TMED3: variants seen among roughly 807,000 people sequenced by gnomAD.
The protein encoded by TMED3 is transmembrane p24 trafficking protein 3, also known as transmembrane emp24 domain-containing protein 3.
TMED3 carries 9 observed loss-of-function variants against 15.0 expected under a neutral mutation model. That is an observed-to-expected ratio of 0.60 (90% CI 0.36 to 1.04). TMED3 has a LOEUF of 1.04. TMED3 is among the 50% of genes least tolerant of loss of function. The pLI, the probability that TMED3 is intolerant of heterozygous loss-of-function variation, is 0.01. For synonymous variants in TMED3, 117 were observed against 121.4 expected (o/e 0.96, Z 0.24); for missense variants, 267 against 278.9 (o/e 0.96, Z 0.30).
rs934973198 is a variant in TMED3, at chr15:79,377,926, G to A, written c.418-33474G>A. Among the ~76,000 whole-genome samples the A allele has an allele frequency of 9.8e-5, 15 of 152,334 alleles. No homozygotes were observed. The South Asian group carries it at 1.2e-3, about 13-fold the overall frequency. Reference sequence around the variant, plus strand: ...CTCCCAAAGTGCTGGGATTACAGGCGTGAGCCACCGCGCCCGGCTGAACAA... The same window carrying A: ...CTCCCAAAGTGCTGGGATTACAGGCATGAGCCACCGCGCCCGGCTGAACAA... On this transcript the variant is annotated intron_variant, in intron 2 of 2. Transcript: ENST00000424155.
chr15:79,330,815 G>A (rs761217332), intron 2 of TMED3, among the ~76,000 whole-genome samples: 12 of 152,060 alleles, frequency 7.9e-5, no homozygotes, highest in Non-Finnish European at 1.8e-4. Context: ...AAACAGCATG[G>A]TACTGGCATA....
chr15:79,311,174 G>T lies in TMED3; in HGVS notation c.-76G>T. ...ATCCCCTTACATCCTCCTAGGACCC[G>T]GTCGGTAGTCGTCGCCCCAGCCCGC... On this transcript the variant is annotated 5_prime_UTR_variant, in exon 1 of 3. Transcript: ENST00000299705. 1.3e-6 allele frequency: 2 copies of T among 1,482,990 alleles called. No individual in the cohort carries two copies. The highest frequency in any genetic ancestry group is 1.8e-6 in the Non-Finnish European group (2 of 1,114,206). The allele number at this position is 1,482,990 out of a possible 1,614,324, so 91.9% of individuals were successfully genotyped here. A position where few individuals can be genotyped will look rare whatever the true frequency, so the allele number is the denominator to read the frequency against.
chr15:79,311,280 G>A lies in TMED3; in HGVS notation c.31G>A (p.Val11Met). 1.2e-6 allele frequency: 2 copies of A among 1,606,022 alleles called. No homozygotes were observed. Among genetic ancestry groups the A allele is most frequent in the Non-Finnish European group, 1.7e-6 (2 of 1,177,530 alleles). MGSTVPRSASVLLLLLLLRRA... is the reference protein window; with the variant it reads MGSTVPRSASMLLLLLLLRRA... ...CAGCACTGTCCCGCGCTCCGCCTCC[G>A]TGCTGCTTCTGCTGCTGCTCCTGCG... is the stretch of plus-strand genomic sequence containing the variant. Residue 11 changes from valine (V) to methionine (M), a missense_variant, in exon 1 of 3, where the codon GTG (valine) becomes ATG (methionine). This residue lies in a region of TMED3 where 59 missense variants were observed against 47.0 expected (regional missense o/e 1.26). Coordinates refer to ENST00000299705, the MANE Select transcript of TMED3 (RefSeq NM_007364.4).
At chr15:79,338,530 C>T (rs1047600574) in intron 2 of TMED3, among the ~76,000 whole-genome samples, 9 of 152,120 alleles carry the variant, frequency 5.9e-5, no homozygotes, top group South Asian at 2.1e-4. Context: ...ACCGAGGACA[C>T]GAGCTGTTCC....
chr15:79,341,732 G>C (rs189167830), intron 2 of TMED3, among the ~76,000 whole-genome samples: 39 of 152,362 alleles, frequency 2.6e-4, no homozygotes, highest in Admixed American at 7.2e-4. Context: ...ACTTCTTGCA[G>C]AGATGAGGGA....
Position 79,371,364 on chromosome 15 carries a change from G to A in TMED3, c.418-40036G>A, listed in dbSNP as rs114121859. Among the ~76,000 whole-genome samples, 785 of 152,202 alleles carry A rather than the reference G, an allele frequency of 5.2e-3. 9 individuals carry two copies. Among genetic ancestry groups the A allele is most frequent in the African/African-American group, 0.018 (762 of 41,518 alleles). On this transcript the variant is annotated intron_variant, in intron 2 of 2. Transcript: ENST00000424155. Reference sequence around the variant, plus strand: ...GTGACTTTTTGAGTGACAGTGAGACGTGATAGAACTGCAGCTTCCTGGGCC... The same window carrying A: ...GTGACTTTTTGAGTGACAGTGAGACATGATAGAACTGCAGCTTCCTGGGCC...
chr15:79,391,756 G>A (rs540638573), intron 2 of TMED3, among the ~76,000 whole-genome samples: 3 of 152,078 alleles, frequency 2.0e-5, no homozygotes, highest in South Asian at 2.1e-4. Context: ...TATAAATTTC[G>A]GAGCGCCAGT....
chr15:79,379,362 G>C (rs758376949), intron 2 of TMED3, among the ~76,000 whole-genome samples: 11 of 152,114 alleles, frequency 7.2e-5, no homozygotes, highest in Admixed American at 7.2e-4. Flanking sequence ...CCAATTTCTT[G>C]TTGGCAAAGT....
intron 2 of TMED3, among the ~76,000 whole-genome samples, chr15:79,367,230 T>A (rs1893253732): frequency 6.6e-6 from 1 of 152,100 alleles, no homozygotes; most frequent in African/African-American, 2.4e-5. Flanking sequence ...GGTCAGCAGG[T>A]TACTGGATAC....
intron 2 of TMED3, among the ~76,000 whole-genome samples, chr15:79,335,282 G>C (rs775544989): frequency 2.2e-5 from 3 of 139,186 alleles, no homozygotes; most frequent in East Asian, 2.2e-4. Context: ...TGATATTCCT[G>C]GGCTTCTGGG....
Position 79,320,894 on chromosome 15 carries a change from T to C in TMED3, c.418-1084T>C, listed in dbSNP as rs77047743. ...GCAGGTTGGGCTCCTACCTGGAAGC[T>C]CTGGGGAAGGATCTGCTTTCATGCT... is the stretch of plus-strand genomic sequence containing the variant. On this transcript the variant is annotated intron_variant, in intron 2 of 2. Transcript: ENST00000299705. Among the ~76,000 whole-genome samples, 253 of 152,284 alleles carry C rather than the reference T, an allele frequency of 1.7e-3. 1 individual carries two copies. The highest frequency in any genetic ancestry group is 5.7e-3 in the African/African-American group (238 of 41,546).
At chr15:79,350,054 T>C (rs899366823) in intron 2 of TMED3, among the ~76,000 whole-genome samples, 2 of 152,162 alleles carry the variant, frequency 1.3e-5, no homozygotes, top group Admixed American at 6.5e-5. Context: ...AGCTTGGCTA[T>C]TGTGTTTGTG....
chr15:79,329,173 A>T (rs1402983244), intron 2 of TMED3, among the ~76,000 whole-genome samples: 1 of 152,210 alleles, frequency 6.6e-6, no homozygotes, highest in Non-Finnish European at 1.5e-5. Context: ...TTCTCTGTCC[A>T]GGGGTTCCCT....
intron 2 of TMED3, among the ~76,000 whole-genome samples, chr15:79,363,188 A>G (rs1893163715): frequency 6.6e-6 from 1 of 152,230 alleles, no homozygotes; most frequent in South Asian, 2.1e-4. Context: ...TCATATATGA[A>G]CACAAATTCC....
At chr15:79,333,883 G>T (rs904599827) in intron 2 of TMED3, among the ~76,000 whole-genome samples, 2 of 152,038 alleles carry the variant, frequency 1.3e-5, no homozygotes, top group African/African-American at 4.8e-5. Context: ...CTTCAAACAT[G>T]GTTTGAATCA....
intron 2 of TMED3, among the ~76,000 whole-genome samples, chr15:79,365,729 TAGG>T (rs1893218844): frequency 6.6e-6 from 1 of 152,234 alleles, no homozygotes; most frequent in South Asian, 2.1e-4. Flanking sequence ...GCTCTCTGCT[TAGG>T]AGCAAAAGAA....
intron 2 of TMED3, among the ~76,000 whole-genome samples, chr15:79,358,383 A>G (rs1012322462): frequency 6.6e-6 from 1 of 152,186 alleles, no homozygotes; most frequent in Admixed American, 6.5e-5. Context: ...TCAGACAACA[A>G]CCCTACTGTG....
At chr15:79,334,456 G>A (rs866962567) in intron 2 of TMED3, among the ~76,000 whole-genome samples, 66 of 152,280 alleles carry the variant, frequency 4.3e-4, no homozygotes, top group African/African-American at 1.6e-3. Context: ...GGCAGGTGGG[G>A]TCAGAGGAGA....
intron 2 of TMED3, among the ~76,000 whole-genome samples, chr15:79,398,543 T>G (rs1362805217): frequency 6.7e-6 from 1 of 149,252 alleles, no homozygotes; most frequent in Non-Finnish European, 1.5e-5. Flanking sequence ...GCTAAAGGCC[T>G]GAGAACGGGA....
Sources: allele counts gnomAD v4.1 joint callset (sites outside exome capture counted in the v4.1 genomes callset), GRCh38; gene constraint gnomAD v4.1.1; regional missense constraint gnomAD v4.1.1; transcripts MANE v1.5; gene names NCBI Gene and HGNC (gene_info 2026-07-23, HGNC 2026-07-21).